FAM184A: variants seen among roughly 807,000 people sequenced by gnomAD.
The protein encoded by FAM184A is protein FAM184A.
In FAM184A, 99 loss-of-function variants were observed where a neutral mutation model predicts 143.8. The observed-to-expected ratio is 0.69, with a 90% CI of 0.58 to 0.81. The LOEUF is 0.81. Among genes scored for constraint, FAM184A ranks in the 40% least tolerant of loss-of-function variants. The pLI, the probability that FAM184A is intolerant of heterozygous loss-of-function variation, is 0.00. For synonymous variants in FAM184A, 427 were observed against 446.4 expected, an observed-to-expected ratio of 0.96 and a Z score of 0.55; for missense variants, 1,217 against 1,310.5, an observed-to-expected ratio of 0.93 and a Z score of 1.10.
chr6:118,974,411 T>G lies in FAM184A; in HGVS notation c.2915+17A>C. The G allele has an allele frequency of 6.3e-7, 1 of 1,596,198 alleles. No homozygotes were observed. On this transcript the variant is annotated intron_variant, in intron 14 of 17. Transcript: ENST00000338891. ...TTTATTATCCACATATGAATTTTCTTATATAATATGACTTACGACACTTGT... is the reference window on the plus strand; with the variant it reads ...TTTATTATCCACATATGAATTTTCTGATATAATATGACTTACGACACTTGT...
At chr6:119,075,918 G>C (rs1454777815) in intron 1 of FAM184A, among the ~76,000 whole-genome samples, 1 of 152,178 alleles carries the variant, frequency 6.6e-6, no homozygotes, top group Non-Finnish European at 1.5e-5. Context: ...ACAGAAAGAT[G>C]TTGGCTCCAA....
At chr6:118,998,710 T>A (rs1784650001) in intron 9 of FAM184A, among the ~76,000 whole-genome samples, 1 of 152,184 alleles carries the variant, frequency 6.6e-6, no homozygotes, top group Non-Finnish European at 1.5e-5. Context: ...CCAAGATGGG[T>A]TCAGCTTGTT....
chr6:119,016,725 G>C (rs1241335162), intron 5 of FAM184A, 22 bp downstream of exon 5: 1 of 1,577,990 alleles, frequency 6.3e-7, no homozygotes, highest in Admixed American at 1.7e-5. Flanking sequence ...ACAATGCAAT[G>C]ATAAATTAAA....
chr6:119,037,271 C>G (rs1046185927), intron 1 of FAM184A, among the ~76,000 whole-genome samples: 2 of 152,104 alleles, frequency 1.3e-5, no homozygotes, highest in African/African-American at 4.8e-5. Flanking sequence ...AATTAAATAT[C>G]ATAGTTTGAC....
intron 1 of FAM184A, among the ~76,000 whole-genome samples, chr6:119,074,999 T>C (rs940668848): frequency 6.6e-6 from 1 of 152,242 alleles, no homozygotes; most frequent in Non-Finnish European, 1.5e-5. Context: ...AAATAGGATA[T>C]GAACAAATAT....
chr6:119,003,121 G>GT (rs973702906), intron 8 of FAM184A, 72 bp from the exon 9 acceptor site: 292 of 1,346,010 alleles, frequency 2.2e-4, no homozygotes, highest in Admixed American at 2.9e-4. Context: ...GAGTCTACAG[G>GT]TTTTTTAAGC....
intron 9 of FAM184A, among the ~76,000 whole-genome samples, chr6:118,986,568 G>GTT (rs1784203055): frequency 1.3e-5 from 2 of 152,112 alleles, no homozygotes; most frequent in Non-Finnish European, 2.9e-5. Flanking sequence ...TGACTATAAT[G>GTT]TTATAAAAGA....
intron 9 of FAM184A, among the ~76,000 whole-genome samples, chr6:118,998,715 CTTG>C (rs767812325): frequency 1.3e-5 from 2 of 152,094 alleles, no homozygotes; most frequent in African/African-American, 2.4e-5. Flanking sequence ...ATGGGTTCAG[CTTG>C]TTGTGTGTGT....
In FAM184A at chr6:118,974,593, G is replaced by C; in HGVS notation, c.2769-19C>G. On this transcript the variant is annotated intron_variant, in intron 13 of 17. Transcript: ENST00000338891. ...ATGCAACCTGTTTGATTTATTTTTA[G>C]TTAAGAAAATGTTATTCTGAAGTCA... 1 of 1,570,164 alleles carries C rather than the reference G, an allele frequency of 6.4e-7. No homozygotes were observed. Among genetic ancestry groups the C allele is most frequent in the South Asian group, 1.2e-5 (1 of 82,316 alleles).
intron 1 of FAM184A, among the ~76,000 whole-genome samples, chr6:119,100,561 A>G (rs1277041574): frequency 1.3e-5 from 2 of 152,120 alleles, no homozygotes; most frequent in Non-Finnish European, 2.9e-5. Context: ...TGGGCTGGAC[A>G]CTGACATTAG....
intron 17 of FAM184A, 34 bp downstream of exon 17, chr6:118,961,724 AAAG>A: frequency 1.3e-6 from 2 of 1,552,196 alleles, no homozygotes; most frequent in Non-Finnish European, 1.8e-6. Flanking sequence ...TCAAGTTAAA[AAAG>A]AAAAGAAAAA....
At chr6:119,144,207 G>A (rs1401295786) in intron 1 of FAM184A, among the ~76,000 whole-genome samples, 14 of 151,370 alleles carry the variant, frequency 9.2e-5, no homozygotes, top group East Asian at 7.8e-4. Context: ...GGTGGCGGGC[G>A]CCTGTAGTCC....
chr6:118,966,751 ATTAC>A lies in FAM184A; in HGVS notation c.3033+80_3033+83del, dbSNP rs1783513661. 8.5e-6 allele frequency: 5 copies of A among 590,790 alleles called. No individual in the cohort carries two copies. In the East Asian group the frequency reaches 1.4e-4, roughly 17 times the overall value. The allele number at this position is 590,790 out of a possible 1,614,324, so 36.6% of individuals were successfully genotyped here. On this transcript the variant is annotated intron_variant, in intron 15 of 17. Transcript: ENST00000338891. The stretch of plus-strand genomic sequence containing the variant: ...TCTGTGTTTTCTATTTTCACTTAGC[ATTAC>A]TTAAAAAGATTGTCCCATATTTTCC...
At chr6:119,031,969 G>A (rs948672232) in intron 1 of FAM184A, among the ~76,000 whole-genome samples, 8 of 152,108 alleles carry the variant, frequency 5.3e-5, no homozygotes, top group Admixed American at 2.0e-4. Context: ...TATAGATATA[G>A]ATATGTAAAG....
At chr6:118,968,217 T>C (rs1783558774) in intron 14 of FAM184A, among the ~76,000 whole-genome samples, 1 of 152,122 alleles carries the variant, frequency 6.6e-6, no homozygotes, top group African/African-American at 2.4e-5. Context: ...TAAAGAATTG[T>C]CTTCGGGCAC....
At chr6:119,075,490 A>T (rs1787840262) in intron 1 of FAM184A, among the ~76,000 whole-genome samples, 1 of 152,188 alleles carries the variant, frequency 6.6e-6, no homozygotes. Flanking sequence ...GCTCAAGGTC[A>T]CAATAGTAGT....
At chr6:119,082,148 C>T (rs1414049005), upstream of FAM184A, among the ~76,000 whole-genome samples, 2 of 152,206 alleles carry the variant, frequency 1.3e-5, no homozygotes, top group Non-Finnish European at 2.9e-5. Context: ...CCACACCCTT[C>T]CCCCGTTCTG....
chr6:119,041,782 A>C (rs546965621), intron 1 of FAM184A, among the ~76,000 whole-genome samples: 1 of 152,254 alleles, frequency 6.6e-6, no homozygotes, highest in South Asian at 2.1e-4. Flanking sequence ...GATCGGGCTA[A>C]AGGCTTGCCA....
At chr6:119,043,743 T>C (rs549154486) in intron 1 of FAM184A, among the ~76,000 whole-genome samples, 2 of 152,318 alleles carry the variant, frequency 1.3e-5, no homozygotes, top group Admixed American at 6.5e-5. Context: ...TGGATGTAAA[T>C]GAAAACAAAA....
Sources: allele counts gnomAD v4.1 joint callset (sites outside exome capture counted in the v4.1 genomes callset), GRCh38; gene constraint gnomAD v4.1.1; transcripts MANE v1.5; gene names NCBI Gene and HGNC (gene_info 2026-07-23, HGNC 2026-07-21).